Variants in BCL2L11 observed in about 807,000 individuals in gnomAD.
BCL2L11 encodes BCL2 like 11.
In BCL2L11, 15 loss-of-function variants were observed where a neutral mutation model predicts 20.6. The ratio of observed to expected loss-of-function variants is 0.73; its 90% CI spans 0.49 to 1.12. The LOEUF (loss-of-function observed/expected upper bound fraction) is 1.12, where lower values mean the gene tolerates loss of function less well. BCL2L11 is among the 50% of genes most tolerant of loss of function. The pLI, the probability that BCL2L11 is intolerant of heterozygous loss-of-function variation, is 0.00. For missense variants in BCL2L11, 292 were observed against 260.9 expected (o/e 1.12, Z -0.82); for synonymous variants, 108 against 92.8 (o/e 1.16, Z -0.94).
At chr2:111,144,549 C>T (rs2076256318) in intron 2 of BCL2L11, 3 of 1,548,682 alleles carry the variant, frequency 1.9e-6, no homozygotes, top group African/African-American at 2.7e-5. Flanking sequence ...CATAAGGGGG[C>T]TGGTCTGTTG....
chr2:111,163,622 C>T (rs2078835094), intron 3 of BCL2L11, among the ~76,000 whole-genome samples: 1 of 152,062 alleles, frequency 6.6e-6, no homozygotes. Context: ...CCATGGGCAC[C>T]CCTCTGGGTC....
At chr2:111,162,160 C>T (rs1248849555) in intron 3 of BCL2L11, among the ~76,000 whole-genome samples, 5 of 152,232 alleles carry the variant, frequency 3.3e-5, no homozygotes, top group African/African-American at 9.6e-5. Flanking sequence ...TCCAGCCGGC[C>T]GTGCCAGCTG....
chr2:111,165,748 T>C lies in BCL2L11; in HGVS notation c.*1517T>C, dbSNP rs1157681506. The C allele has an allele frequency of 6.6e-6, 1 of 152,158 alleles. No individual in the cohort carries two copies. The highest frequency in any genetic ancestry group is 1.5e-5 in the Non-Finnish European group (1 of 68,032). The allele number at this position is 152,158 out of a possible 1,614,324, so 9.4% of individuals were successfully genotyped here. A position where few individuals can be genotyped will look rare whatever the true frequency, so the allele number is the denominator to read the frequency against. On this transcript the variant is annotated 3_prime_UTR_variant, in exon 4 of 4. Transcript: ENST00000393256. ...TGTGAACTCTGTAACTCTTAAAATT[T>C]TTGAAAACTCCATCGTTAAACAACT... is the stretch of plus-strand genomic sequence containing the variant.
chr2:111,164,509 G>A lies in BCL2L11; in HGVS notation c.*278G>A. On this transcript the variant is annotated 3_prime_UTR_variant, in exon 4 of 4. Transcript: ENST00000393256. The stretch of plus-strand genomic sequence containing the variant: ...ATGGTTTTTTGGAGCAGGATTTTGT[G>A]TAAGAATGGTGTTTACATGCAGTGT... The A allele has an allele frequency of 3.3e-6, 1 of 303,762 alleles. No individual in the cohort carries two copies. The highest frequency in any genetic ancestry group is 5.6e-5 in the East Asian group (1 of 17,774). 18.8% of individuals were successfully genotyped at this position (303,762 alleles called of 1,614,324 possible).
rs192680325 is a variant in BCL2L11, at chr2:111,143,849, A to G, written c.395-6195A>G. Among the ~76,000 whole-genome samples the G allele has an allele frequency of 2.3e-3, 353 of 152,346 alleles. 2 individuals carry two copies. Among genetic ancestry groups the G allele is most frequent in the African/African-American group, 8.2e-3 (340 of 41,574 alleles). On this transcript the variant is annotated intron_variant, in intron 2 of 3. Transcript: ENST00000393256. ...TAATTAGTTTTTCTGATGTTGAATG[A>G]GAAATGAGTAAAAAGGCATAACACA...
At chr2:111,149,887 A>G (rs1227444722) in intron 2 of BCL2L11, among the ~76,000 whole-genome samples, 157 bp from the exon 3 acceptor site, 1 of 152,160 alleles carries the variant, frequency 6.6e-6, no homozygotes, top group Admixed American at 6.5e-5. Context: ...CTGCCACTCT[A>G]ATCTTTAGTA....
Position 111,130,384 on chromosome 2 carries a change from G to T in BCL2L11, c.394+6245G>T, listed in dbSNP as rs371520836. 1.0e-3 allele frequency: 212 copies of T among 207,868 alleles called. 5 individuals carry two copies. The South Asian group carries it at 0.011, about 10-fold the overall frequency. The allele number at this position is 207,868 out of a possible 1,614,324, so 12.9% of individuals were successfully genotyped here. On this transcript the variant is annotated intron_variant, in intron 2 of 3. Coordinates refer to ENST00000393256, the MANE Select transcript of BCL2L11 (RefSeq NM_138621.5). Reference sequence around the variant, plus strand: ...CTCCCAAAGTGTTGGGATTACAGGCGTGAGCCACCACACCTGGCCCTACTT... The same window carrying T: ...CTCCCAAAGTGTTGGGATTACAGGCTTGAGCCACCACACCTGGCCCTACTT...
chr2:111,144,283 A>G (rs746410450), intron 2 of BCL2L11, among the ~76,000 whole-genome samples: 16 of 152,206 alleles, frequency 1.1e-4, no homozygotes, highest in Non-Finnish European at 2.4e-4. Context: ...TTTTGTTTTC[A>G]TCCAGTGGCT....
chr2:111,126,722 A>G (rs2072703092), intron 2 of BCL2L11, among the ~76,000 whole-genome samples: 1 of 152,194 alleles, frequency 6.6e-6, no homozygotes, highest in South Asian at 2.1e-4. Context: ...ACTCAACCCT[A>G]TCCATGAAGT....
intron 1 of BCL2L11, among the ~76,000 whole-genome samples, chr2:111,122,429 C>A (rs1218531976): frequency 6.6e-6 from 1 of 152,230 alleles, no homozygotes; most frequent in Non-Finnish European, 1.5e-5. Flanking sequence ...GCCACGACCA[C>A]GGCCAGAGCA....
intron 1 of BCL2L11, chr2:111,122,524 G>T (rs1317089715): frequency 1.2e-6 from 1 of 839,998 alleles, no homozygotes; most frequent in Non-Finnish European, 1.4e-6. Flanking sequence ...CTGCCGATTG[G>T]CTGCGGCGCG....
At chr2:111,150,825 T>G (rs1366848533) in intron 3 of BCL2L11, among the ~76,000 whole-genome samples, 1 of 152,264 alleles carries the variant, frequency 6.6e-6, no homozygotes, top group Non-Finnish European at 1.5e-5. Context: ...GTTTTTTGTT[T>G]GTTTTACCTG....
intron 3 of BCL2L11, among the ~76,000 whole-genome samples, chr2:111,159,870 G>A (rs2150576454): frequency 6.6e-6 from 1 of 152,328 alleles, no homozygotes; most frequent in South Asian, 2.1e-4. Flanking sequence ...GACATGTGAA[G>A]AACTATTTAG....
rs2070812522 is a variant in BCL2L11 at position 111,121,190 on chromosome 2, T to C, written c.-14+2T>C. 2 of 231,422 alleles carry C rather than the reference T, an allele frequency of 8.6e-6. No homozygotes were observed. The highest frequency in any genetic ancestry group is 2.3e-5 in the African/African-American group (1 of 43,028). 14.3% of individuals were successfully genotyped at this position (231,422 alleles called of 1,614,324 possible). A position where few individuals can be genotyped will look rare whatever the true frequency, so the allele number is the denominator to read the frequency against. On this transcript the variant is annotated splice_donor_variant, in intron 1 of 3. Coordinates refer to ENST00000393256, the MANE Select transcript of BCL2L11 (RefSeq NM_138621.5). LOFTEE classifies it low-confidence loss of function (5UTR_SPLICE). ...GACTCTCGGACTGAGAAACGCAAGG[T>C]AAATACCTCCAAATCCCGGGGCGCG...
At chr2:111,122,901 C>T (rs1290206702) in intron 1 of BCL2L11, 16 of 985,106 alleles carry the variant, frequency 1.6e-5, no homozygotes, top group East Asian at 1.1e-4. Context: ...CCGGACGCTG[C>T]GCTCTGAAGG....
rs201393268 is a variant in BCL2L11, at chr2:111,150,011, A to G, written c.395-33A>G. 304 of 1,583,878 alleles carry G rather than the reference A, an allele frequency of 1.9e-4. 2 individuals carry two copies. In the African/African-American group the frequency reaches 3.0e-3, roughly 16 times the overall value. ...CTTTCCCAGTGATCTGTGGACCACAATGTGATTTTTGTTTTGTTTTGTTCT... is the reference window on the plus strand; with the variant it reads ...CTTTCCCAGTGATCTGTGGACCACAGTGTGATTTTTGTTTTGTTTTGTTCT... On this transcript the variant is annotated intron_variant, in intron 2 of 3. Transcript: ENST00000393256.
chr2:111,158,098 C>T (rs1292712503), intron 3 of BCL2L11, among the ~76,000 whole-genome samples: 2 of 152,242 alleles, frequency 1.3e-5, no homozygotes, highest in Non-Finnish European at 2.9e-5. Flanking sequence ...TGCTGAAATA[C>T]CAGCTCAGCT....
chr2:111,125,341 T>A (rs1399718688), intron 2 of BCL2L11, among the ~76,000 whole-genome samples: 1 of 152,214 alleles, frequency 6.6e-6, no homozygotes, highest in East Asian at 1.9e-4. Flanking sequence ...TCTGTGTTGA[T>A]CGACTTGCTG....
At chr2:111,124,230 CCCCGTA>C (rs1282878125) in intron 2 of BCL2L11, 91 bp downstream of exon 2, 2 of 1,370,348 alleles carry the variant, frequency 1.5e-6, no homozygotes, top group African/African-American at 2.9e-5. Context: ...CCTTTTAAAA[CCCCGTA>C]ACTGATTTAT....
Sources: allele counts gnomAD v4.1 joint callset (sites outside exome capture counted in the v4.1 genomes callset), GRCh38; gene constraint gnomAD v4.1.1; transcripts MANE v1.5; gene names NCBI Gene and HGNC (gene_info 2026-07-23, HGNC 2026-07-21).